Variants in RAD51AP2 observed in about 807,000 individuals in gnomAD.
RAD51AP2 encodes RAD51 associated protein 2, also known as RAD51-associated protein 2.
A neutral mutation model predicts 85.5 loss-of-function variants in RAD51AP2; 67 were observed. The ratio of observed to expected loss-of-function variants is 0.78; its 90% CI spans 0.64 to 0.96. The LOEUF (loss-of-function observed/expected upper bound fraction) is 0.96. Ranked by LOEUF, RAD51AP2 falls within the 40% of genes least tolerant of loss-of-function variation. The pLI is 0.00. For synonymous variants in RAD51AP2, 474 were observed against 446.5 expected, an observed-to-expected ratio of 1.06 and a Z score of -0.78; for missense variants, 1,307 against 1,332.4, an observed-to-expected ratio of 0.98 and a Z score of 0.30.
chr2:17,513,016 C>T (rs62130399), intron 2 of RAD51AP2, among the ~76,000 whole-genome samples: 4,312 of 152,150 alleles, frequency 0.028, 62 homozygotes, highest in Middle Eastern at 0.054. Flanking sequence ...TATATTTAAC[C>T]TACAATGTTA....
rs745921884 is a variant in RAD51AP2 at position 17,516,609 on chromosome 2, A to G, written c.1807T>C (p.Leu603=). ...SLTRIENDFE[L]EEECIFKCML... is the part of the protein sequence containing the mutation. ...CACTTGAAAATGCATTCCTCTTCTAATTCAAAATCATTTTCAATTCTTGTT... is the reference window on the plus strand; with the variant it reads ...CACTTGAAAATGCATTCCTCTTCTAGTTCAAAATCATTTTCAATTCTTGTT... Residue 603 remains leucine, a synonymous_variant, in exon 1 of 3, where the codon TTA becomes CTA. Transcript: ENST00000399080. 5 of 1,575,398 alleles carry G rather than the reference A, an allele frequency of 3.2e-6. No homozygotes were observed. In the Admixed American group the frequency reaches 7.8e-5, roughly 25 times the overall value.
rs765835257 is a variant in RAD51AP2, at chr2:17,516,756, T to C, written c.1660A>G (p.Asn554Asp). 21 of 1,568,540 alleles carry C rather than the reference T, an allele frequency of 1.3e-5. No individual in the cohort carries two copies. The highest frequency in any genetic ancestry group is 1.7e-4 in the Middle Eastern group (1 of 5,826). ...CCATTCTTTATATTTGTATTCATGT[T>C]TCTGGTTATTAGATTTTGAATACCA... is the stretch of plus-strand genomic sequence containing the variant. ...IIGIQNLITR[N>D]MNTNIKNGIL... The change falls in exon 1 of 3, where the codon AAC becomes GAC. Residue 554 changes from asparagine to aspartate, a missense_variant. By Grantham distance (23) the Asn-to-Asp change is conservative. Around this residue, in one of 3 missense-constraint regions of RAD51AP2, gnomAD observed 635 missense variants for 643.6 expected, o/e 0.99. Coordinates refer to ENST00000399080, the MANE Select transcript of RAD51AP2 (RefSeq NM_001099218.3).
chr2:17,518,623 C>T (rs1662783099), upstream of RAD51AP2, among the ~76,000 whole-genome samples: 1 of 151,048 alleles, frequency 6.6e-6, no homozygotes, highest in Admixed American at 6.6e-5. Flanking sequence ...CTCCCTGCCC[C>T]CACCCACGCG....
chr2:17,522,812 G>GT (rs1323805860), upstream of RAD51AP2, among the ~76,000 whole-genome samples: 6 of 151,664 alleles, frequency 4.0e-5, no homozygotes, highest in East Asian at 1.2e-3. Flanking sequence ...TCCTTTTGTA[G>GT]TTTTTTCCTG....
At chr2:17,529,194 T>C in the RAD51AP2 span, among the ~76,000 whole-genome samples, 1 of 151,784 alleles carries the variant, frequency 6.6e-6, no homozygotes, top group Non-Finnish European at 1.5e-5. Context: ...TGTTGGGACA[T>C]GTCAACTTTC....
chr2:17,528,580 C>A, the RAD51AP2 span, among the ~76,000 whole-genome samples: 1 of 152,128 alleles, frequency 6.6e-6, no homozygotes, highest in Non-Finnish European at 1.5e-5. Context: ...CGGTGGTTCA[C>A]GCCTCTAATA....
rs114231058 is a variant in RAD51AP2, at chr2:17,515,353, C to G, written c.3063G>C (p.Val1021=). 0.027 allele frequency: 43,985 copies of G among 1,611,886 alleles called. 752 individuals carry two copies. The highest frequency in any genetic ancestry group is 0.045 in the South Asian group (4,054 of 90,204). ...AGGAAGATGCACGTATTTTGTTGACCACAACCATTTTCAAATCTTTTTCTA... is the reference window on the plus strand; with the variant it reads ...AGGAAGATGCACGTATTTTGTTGACGACAACCATTTTCAAATCTTTTTCTA... ...MEIEKDLKMV[V]VNKIRASSSF... Residue 1021 remains valine, a synonymous_variant, in exon 1 of 3, where the codon GTG becomes GTC. Coordinates refer to ENST00000399080, the MANE Select transcript of RAD51AP2 (RefSeq NM_001099218.3).
At chr2:17,531,664 C>G in the RAD51AP2 span, among the ~76,000 whole-genome samples, 16 of 152,310 alleles carry the variant, frequency 1.1e-4, no homozygotes, top group South Asian at 3.3e-3. Context: ...TTACTTCCAG[C>G]AGTGGTACTG....
the RAD51AP2 span, among the ~76,000 whole-genome samples, chr2:17,527,804 A>G: frequency 6.6e-6 from 1 of 152,206 alleles, no homozygotes; most frequent in Non-Finnish European, 1.5e-5. Flanking sequence ...AGAAAGTGCT[A>G]TTGCTCTAGA....
Position 17,518,323 on chromosome 2 carries a change from A to C in RAD51AP2, c.93T>G (p.Pro31=), listed in dbSNP as rs746589236. ...CCTCAAGACAGAGCCGCTTGCTACTAGGTGGTTGGGAATCCGGGTCCTCAG... is the reference window on the plus strand; with the variant it reads ...CCTCAAGACAGAGCCGCTTGCTACTCGGTGGTTGGGAATCCGGGTCCTCAG... ...TPPEDPDSQP[P]SSKRLCLEEP... Residue 31 remains proline (P), a synonymous_variant, in exon 1 of 3, where the codon CCT becomes CCG. Coordinates refer to ENST00000399080, the MANE Select transcript of RAD51AP2 (RefSeq NM_001099218.3). 6.2e-7 allele frequency: 1 copy of C among 1,613,968 alleles called. No individual in the cohort carries two copies. The highest frequency in any genetic ancestry group is 2.2e-5 in the East Asian group (1 of 44,890).
the RAD51AP2 span, among the ~76,000 whole-genome samples, chr2:17,532,450 T>C: frequency 3.9e-5 from 6 of 152,010 alleles, no homozygotes; most frequent in African/African-American, 1.2e-4. Context: ...TTTTCTCTTA[T>C]AAGGATATCA....
the RAD51AP2 span, among the ~76,000 whole-genome samples, chr2:17,530,379 G>T: frequency 6.6e-6 from 1 of 151,894 alleles, no homozygotes; most frequent in Admixed American, 6.6e-5. Context: ...GGCAGCTTTC[G>T]AGAGGCACTG....
chr2:17,517,782 A>G lies in RAD51AP2; in HGVS notation c.634T>C (p.Cys212Arg), dbSNP rs749946507. The change falls in exon 1 of 3, where the codon TGT (cysteine) becomes CGT (arginine). Residue 212 changes from cysteine to arginine, a missense_variant. Physicochemically the swap from Cys to Arg is radical, Grantham distance 180 (BLOSUM62 -3). Around this residue, in one of 3 missense-constraint regions of RAD51AP2, gnomAD observed 635 missense variants for 643.6 expected, o/e 0.99. Coordinates refer to ENST00000399080, the MANE Select transcript of RAD51AP2 (RefSeq NM_001099218.3). ...GATGGCACAACACTGTTAGCTTTAC[A>G]TCTGTTCTTAATTTCATGAAATGGT... is the stretch of plus-strand genomic sequence containing the variant. ...KSPFHEIKNR[C>R]KANSVVPSNK... is the part of the protein sequence containing the mutation. 3.7e-6 allele frequency: 6 copies of G among 1,614,010 alleles called. No individual in the cohort carries two copies. In the Admixed American group the frequency reaches 8.3e-5, roughly 22 times the overall value.
chr2:17,523,525 TC>T, the RAD51AP2 span, among the ~76,000 whole-genome samples: 1 of 151,920 alleles, frequency 6.6e-6, no homozygotes, highest in African/African-American at 2.4e-5. Context: ...ACTATCTAAG[TC>T]AATTCTTACT....
chr2:17,517,052 T>A lies in RAD51AP2; in HGVS notation c.1364A>T (p.Tyr455Phe), dbSNP rs1288807889. The change falls in exon 1 of 3, where the codon TAT becomes TTT. Residue 455 changes from tyrosine (Y) to phenylalanine (F), a missense_variant. Physicochemically the swap from Tyr to Phe is conservative, Grantham distance 22. Coordinates refer to ENST00000399080, the MANE Select transcript of RAD51AP2 (RefSeq NM_001099218.3). ...DYHCAKVINAYEEQSKLLVRE... is the reference protein window; with the variant it reads ...DYHCAKVINAFEEQSKLLVRE... The stretch of plus-strand genomic sequence containing the variant: ...TACGAGAAGCTTTGATTGTTCTTCA[T>A]ATGCATTGATGACTTTTGCACAGTG... 5.0e-6 allele frequency: 8 copies of A among 1,611,556 alleles called. No individual in the cohort carries two copies. The highest frequency in any genetic ancestry group is 3.4e-5 in the Admixed American group (2 of 59,638).
At chr2:17,525,966 T>A in the RAD51AP2 span, among the ~76,000 whole-genome samples, 1 of 152,000 alleles carries the variant, frequency 6.6e-6, no homozygotes, top group African/African-American at 2.4e-5. Context: ...AGAGATAACA[T>A]ACATATATGA....
chr2:17,535,128 G>A, the RAD51AP2 span, among the ~76,000 whole-genome samples: 1 of 152,126 alleles, frequency 6.6e-6, no homozygotes. Context: ...CTATGTGGTA[G>A]GAAAAGATTC....
At chr2:17,531,503 A>G in the RAD51AP2 span, among the ~76,000 whole-genome samples, 2 of 152,224 alleles carry the variant, frequency 1.3e-5, no homozygotes, top group African/African-American at 2.4e-5. Context: ...GCTCTAAAAA[A>G]TAGTCTATTA....
chr2:17,536,672 G>A, the RAD51AP2 span, among the ~76,000 whole-genome samples: 108 of 152,314 alleles, frequency 7.1e-4, no homozygotes, highest in African/African-American at 2.6e-3. Flanking sequence ...TCTACAGACA[G>A]AGTGATCTTT....
Sources: gnomAD v4.1 joint callset for allele counts (sites outside exome capture counted in the v4.1 genomes callset) on GRCh38, gnomAD v4.1.1 for gene constraint, gnomAD v4.1.1 regional missense constraint, MANE v1.5 for transcripts, NCBI Gene and HGNC (gene_info 2026-07-23, HGNC 2026-07-21) for gene names.